ARHGAP20: variants seen among roughly 807,000 people sequenced by gnomAD.
ARHGAP20 encodes the protein Rho GTPase activating protein 20.
ARHGAP20 carries 34 observed loss-of-function variants against 73.7 expected under a neutral mutation model. The ratio of observed to expected loss-of-function variants is 0.46; its 90% CI spans 0.35 to 0.61. The LOEUF is 0.61. Among genes scored for constraint, ARHGAP20 ranks in the 20% least tolerant of loss-of-function variants. The pLI is 0.00. For synonymous variants in ARHGAP20, 523 were observed against 518.2 expected (o/e 1.01, Z -0.13); for missense variants, 1,314 against 1,420.9 (o/e 0.92, Z 1.21).
chr11:110,583,390 T>C (rs766144598), intron 13 of ARHGAP20, among the ~76,000 whole-genome samples, 158 bp downstream of exon 13: 2 of 152,236 alleles, frequency 1.3e-5, no homozygotes, highest in Non-Finnish European at 2.9e-5. Context: ...CATTTTCTAC[T>C]TAACAATTCA....
At chr11:110,614,786 A>C (rs1388712416) in intron 5 of ARHGAP20, 141 bp from the exon 6 acceptor site, 7 of 601,862 alleles carry the variant, frequency 1.2e-5, no homozygotes, top group Non-Finnish European at 1.9e-5. Context: ...GAGAAGACTC[A>C]GCAAAGTCAG....
At position 110,681,143 on chromosome 11, in the gene ARHGAP20, G is replaced by A. The variant is rs112646847; in HGVS notation, c.188+9404C>T. The stretch of plus-strand genomic sequence containing the variant: ...AAACTGTAGGAATGGACCTTATGTA[G>A]AGCCAATTGGCATGTTATGCAAGAC... On this transcript the variant is annotated intron_variant, in intron 2 of 14. Transcript: ENST00000683387. 7.8e-3 allele frequency among the ~76,000 whole-genome samples: 1,190 copies of A among 152,210 alleles called. 22 individuals are homozygous for A. The highest frequency in any genetic ancestry group is 0.027 in the African/African-American group (1,134 of 41,522).
intron 2 of ARHGAP20, among the ~76,000 whole-genome samples, chr11:110,673,934 G>T (rs112658517): frequency 2.8e-4 from 41 of 146,408 alleles, no homozygotes; most frequent in African/African-American, 1.0e-3. Context: ...TTGTGAGAAC[G>T]AAGGCTATTT....
chr11:110,699,384 C>T (rs1201784829), intron 1 of ARHGAP20, among the ~76,000 whole-genome samples: 1 of 151,692 alleles, frequency 6.6e-6, no homozygotes, highest in African/African-American at 2.4e-5. Flanking sequence ...ATTCTGTGGT[C>T]GGCTAGAATG....
chr11:110,586,231 A>G lies in ARHGAP20; in HGVS notation c.1400T>C (p.Ile467Thr). 6.5e-7 allele frequency: 1 copy of G among 1,529,856 alleles called. No individual in the cohort carries two copies. The highest frequency in any genetic ancestry group is 8.8e-7 in the Non-Finnish European group (1 of 1,134,614). The allele number at this position is 1,529,856 out of a possible 1,614,324, so 94.8% of individuals were successfully genotyped here. The change falls in exon 12 of 15, where the codon ATA becomes ACA. Residue 467 changes from isoleucine to threonine, a missense_variant. Physicochemically the swap from Ile to Thr is moderately conservative, Grantham distance 89 (BLOSUM62 -1). Transcript: ENST00000683387. ...VMDQGNDEEK[I>T]NTVQRLLDQL... ...GAATAATTACCTTTGAACAGTATTT[A>G]TTTTCTCTTCATCATTTCCTTGATC...
Position 110,581,160 on chromosome 11 carries a change from C to T in ARHGAP20, c.1786G>A (p.Val596Ile), listed in dbSNP as rs563325668. Residue 596 changes from valine to isoleucine, a missense_variant, in exon 15 of 15, where the codon GTT becomes ATT. Physicochemically the swap from Val to Ile is conservative, Grantham distance 29. Transcript: ENST00000683387. ...DSLENELNEDVDAPCSDLVKK... is the reference protein window; with the variant it reads ...DSLENELNEDIDAPCSDLVKK... ...ACCAAGTCACTGCATGGTGCATCAA[C>T]ATCCTCATTTAGCTCATTTTCCAAG... 3.8e-5 allele frequency: 61 copies of T among 1,614,188 alleles called. 1 individual carries two copies. In the South Asian group the frequency reaches 6.3e-4, roughly 17 times the overall value.
intron 2 of ARHGAP20, among the ~76,000 whole-genome samples, chr11:110,652,142 T>C (rs1020767380): frequency 6.6e-6 from 1 of 152,128 alleles, no homozygotes; most frequent in African/African-American, 2.4e-5. Flanking sequence ...AAAAACGACA[T>C]GATTATCTCA....
intron 4 of ARHGAP20, among the ~76,000 whole-genome samples, chr11:110,619,768 G>A (rs1487839056): frequency 1.3e-5 from 2 of 152,024 alleles, no homozygotes; most frequent in African/African-American, 4.8e-5. Context: ...TAGTGATAGT[G>A]TATATGTAGT....
At chr11:110,712,683 G>A (rs1048796110), upstream of ARHGAP20, 1 of 152,606 alleles carries the variant, frequency 6.6e-6, no homozygotes, top group African/African-American at 2.4e-5. Context: ...GGAGCTCATC[G>A]GCCTGTGTCA....
chr11:110,659,909 TG>T (rs1037792724), intron 2 of ARHGAP20, among the ~76,000 whole-genome samples: 4 of 99,370 alleles, frequency 4.0e-5, no homozygotes, highest in African/African-American at 1.6e-4. Context: ...TGTTGTGGGG[TG>T]GGGGGAGTGG....
chr11:110,665,899 G>C (rs1459198884), intron 2 of ARHGAP20, among the ~76,000 whole-genome samples: 3 of 151,972 alleles, frequency 2.0e-5, no homozygotes, highest in Non-Finnish European at 2.9e-5. Context: ...TGTTGCTAAG[G>C]CAGAAAATTC....
Position 110,580,366 on chromosome 11 carries a change from G to C in ARHGAP20, c.2580C>G (p.Leu860=), listed in dbSNP as rs1382347104. The change falls in exon 15 of 15, where the codon CTC becomes CTG. Residue 860 remains leucine, a synonymous_variant. Coordinates refer to ENST00000683387, the MANE Select transcript of ARHGAP20 (RefSeq NM_001384657.1). Reference sequence around the variant, plus strand: ...GTTGTTTCTTTGAATAAATTCCCCTGAGATAGGTCAGCTTGCGGTTCTGGT... The same window carrying C: ...GTTGTTTCTTTGAATAAATTCCCCTCAGATAGGTCAGCTTGCGGTTCTGGT... ...IEDQNRKLTY[L]RGIYSKKQHK... 1.2e-6 allele frequency: 2 copies of C among 1,614,122 alleles called. No homozygotes were observed. The highest frequency in any genetic ancestry group is 1.7e-6 in the Non-Finnish European group (2 of 1,180,058).
chr11:110,645,318 A>G (rs979446968), intron 2 of ARHGAP20, among the ~76,000 whole-genome samples: 5 of 152,040 alleles, frequency 3.3e-5, no homozygotes, highest in Admixed American at 3.3e-4. Context: ...CCAAACAGAC[A>G]CTTCTCAAAA....
At chr11:110,690,447 C>T (rs1950219232) in intron 2 of ARHGAP20, 100 bp downstream of exon 2, 3 of 1,183,624 alleles carry the variant, frequency 2.5e-6, no homozygotes, top group Non-Finnish European at 3.7e-6. Context: ...TGATAACAAA[C>T]AACCTCTACA....
intron 2 of ARHGAP20, among the ~76,000 whole-genome samples, chr11:110,667,254 C>CT (rs1565467714): frequency 1.3e-5 from 2 of 152,200 alleles, no homozygotes; most frequent in African/African-American, 4.8e-5. Flanking sequence ...AAAAGACAAG[C>CT]TGACTCCTTT....
In ARHGAP20 at chr11:110,619,958, T is replaced by C. The variant is rs534413908; in HGVS notation, c.503+4204A>G. ...CTGCTCTTCCCTCAATTTGACTCAA[T>C]TGGGAGGTTTTCAAAGATTCTGGCA... On this transcript the variant is annotated intron_variant, in intron 4 of 14. Coordinates refer to ENST00000683387, the MANE Select transcript of ARHGAP20 (RefSeq NM_001384657.1). Among the ~76,000 whole-genome samples the C allele has an allele frequency of 4.3e-3, 653 of 152,308 alleles. 7 individuals are homozygous for C. Among genetic ancestry groups the C allele is most frequent in the African/African-American group, 0.015 (605 of 41,550 alleles).
intron 4 of ARHGAP20, among the ~76,000 whole-genome samples, chr11:110,620,665 T>C (rs1180036637): frequency 6.6e-6 from 1 of 152,266 alleles, no homozygotes. Context: ...GTTCTGCTAG[T>C]AATAAATTAT....
At position 110,615,570 on chromosome 11, in the gene ARHGAP20, C is replaced by A; in HGVS notation, c.528G>T (p.Trp176Cys). Residue 176 changes from tryptophan to cysteine, a missense_variant, in exon 5 of 15, where the codon TGG (tryptophan) becomes TGT (cysteine). Coordinates refer to ENST00000683387, the MANE Select transcript of ARHGAP20 (RefSeq NM_001384657.1). The part of the protein sequence containing the change: ...TFSSPEQKDK[W>C]LSLLQRYINL... ...AAAAATACCTCTGAAGGAGAGAGAG[C>A]CATTTGTCCTTTTGTTCTGGAGAAC... The A allele has an allele frequency of 6.2e-7, 1 of 1,611,434 alleles. No individual in the cohort carries two copies. Among genetic ancestry groups the A allele is most frequent in the Non-Finnish European group, 8.5e-7 (1 of 1,178,914 alleles).
intron 2 of ARHGAP20, among the ~76,000 whole-genome samples, chr11:110,631,049 C>T (rs1533042): frequency 0.33 from 50,418 of 151,964 alleles, 8,990 homozygotes; most frequent in African/African-American, 0.45. Flanking sequence ...ACTTGCTTTA[C>T]CAAATACCTA....
Sources: allele counts gnomAD v4.1 joint callset (sites outside exome capture counted in the v4.1 genomes callset), GRCh38; gene constraint gnomAD v4.1.1; transcripts MANE v1.5; gene names NCBI Gene and HGNC (gene_info 2026-07-23, HGNC 2026-07-21).